The following AIG1 variants were observed in gnomAD, a reference collection of about 807,000 sequenced individuals.
The protein encoded by AIG1 is androgen induced 1.
In AIG1, 23 loss-of-function variants were observed where a neutral mutation model predicts 31.4. The ratio of observed to expected loss-of-function variants is 0.73; its 90% CI spans 0.53 to 1.04. The LOEUF is 1.04. Among genes scored for constraint, AIG1 ranks in the 50% least tolerant of loss-of-function variants. AIG1 has a pLI of 0.00. For missense variants in AIG1, 274 were observed against 295.0 expected (o/e 0.93, Z 0.52); for synonymous variants, 100 against 110.5 (o/e 0.90, Z 0.60).
intron 3 of AIG1, chr6:143,189,816 G>A (rs1017402): frequency 2.0e-6 from 2 of 978,336 alleles, no homozygotes; most frequent in African/African-American, 1.8e-5. Context: ...AAATAAAAAA[G>A]AGATATATCT....
intron 1 of AIG1, among the ~76,000 whole-genome samples, chr6:143,114,103 CAG>C (rs1188463439): frequency 6.6e-6 from 1 of 152,130 alleles, no homozygotes; most frequent in Non-Finnish European, 1.5e-5. Flanking sequence ...GTTAAACAAA[CAG>C]AATTTCAAAC....
At chr6:143,065,254 T>G (rs770217813) in intron 1 of AIG1, among the ~76,000 whole-genome samples, 5 of 152,100 alleles carry the variant, frequency 3.3e-5, no homozygotes, top group Admixed American at 2.0e-4. Flanking sequence ...TTACAATGGC[T>G]GAGCTTCGGC....
intron 3 of AIG1, among the ~76,000 whole-genome samples, chr6:143,180,498 T>C (rs1038571852): frequency 6.6e-6 from 1 of 152,132 alleles, no homozygotes; most frequent in Non-Finnish European, 1.5e-5. Context: ...TTTAAAGCAT[T>C]GTCAGTGAAG....
chr6:143,309,158 C>T (rs1363439329), intron 4 of AIG1, among the ~76,000 whole-genome samples: 1 of 151,776 alleles, frequency 6.6e-6, no homozygotes, highest in Non-Finnish European at 1.5e-5. Context: ...AAGACAAAAG[C>T]CGTCAACCTA....
At chr6:143,247,344 A>T (rs182704673) in intron 3 of AIG1, among the ~76,000 whole-genome samples, 1 of 152,170 alleles carries the variant, frequency 6.6e-6, no homozygotes, top group Non-Finnish European at 1.5e-5. Context: ...GTTAGCCAGG[A>T]TGGTCTTGAT....
chr6:143,191,459 T>A (rs1789785166), intron 3 of AIG1, among the ~76,000 whole-genome samples: 1 of 152,190 alleles, frequency 6.6e-6, no homozygotes, highest in Non-Finnish European at 1.5e-5. Flanking sequence ...TAACTCAATT[T>A]CCTACAGAAA....
At chr6:143,259,522 G>C (rs1228798908) in intron 3 of AIG1, among the ~76,000 whole-genome samples, 1 of 151,932 alleles carries the variant, frequency 6.6e-6, no homozygotes, top group East Asian at 1.9e-4. Context: ...GCCCTGTTTT[G>C]GTCTTAATAT....
intron 3 of AIG1, among the ~76,000 whole-genome samples, chr6:143,229,788 A>AC (rs1562508962): frequency 5.4e-5 from 8 of 147,184 alleles, no homozygotes; most frequent in African/African-American, 8.0e-5. Context: ...TCAGAACAAA[A>AC]AAAAAAAAAA....
intron 1 of AIG1, among the ~76,000 whole-genome samples, chr6:143,071,198 T>C (rs771790741): frequency 9.9e-5 from 15 of 152,226 alleles, no homozygotes; most frequent in Non-Finnish European, 1.9e-4. Context: ...ATGTGACTTC[T>C]GGGGATTGCT....
intron 3 of AIG1, among the ~76,000 whole-genome samples, chr6:143,246,335 C>G (rs1026267469): frequency 6.6e-6 from 1 of 151,966 alleles, no homozygotes; most frequent in Non-Finnish European, 1.5e-5. Flanking sequence ...TCACAATCAT[C>G]GTGGAAGGCA....
At chr6:143,217,695 GAC>G (rs1216487542) in intron 3 of AIG1, among the ~76,000 whole-genome samples, 1 of 152,074 alleles carries the variant, frequency 6.6e-6, no homozygotes, top group African/African-American at 2.4e-5. Context: ...TTTTAGTAGA[GAC>G]AGGGTCTCAC....
intron 3 of AIG1, among the ~76,000 whole-genome samples, chr6:143,234,929 G>A (rs1362532977): frequency 6.6e-6 from 1 of 152,138 alleles, no homozygotes; most frequent in African/African-American, 2.4e-5. Context: ...AGATTGTCTT[G>A]GAATGTGGCA....
chr6:143,186,626 C>G (rs145714564), intron 3 of AIG1: 170 of 152,336 alleles, frequency 1.1e-3, no homozygotes, highest in African/African-American at 3.7e-3. Flanking sequence ...TCACTACGCA[C>G]GTACTAATAT....
intron 3 of AIG1, among the ~76,000 whole-genome samples, chr6:143,185,800 A>T (rs892144511): frequency 6.6e-6 from 1 of 151,968 alleles, no homozygotes; most frequent in African/African-American, 2.4e-5. Flanking sequence ...GAGGGAATGA[A>T]CTTCTATCAC....
intron 3 of AIG1, among the ~76,000 whole-genome samples, chr6:143,282,174 A>C (rs528291474): frequency 6.6e-6 from 1 of 152,322 alleles, no homozygotes; most frequent in Admixed American, 6.5e-5. Flanking sequence ...AGGATTTTCT[A>C]CTTCATTTGG....
chr6:143,309,936 A>C (rs1305467617), intron 4 of AIG1, among the ~76,000 whole-genome samples: 1 of 151,992 alleles, frequency 6.6e-6, no homozygotes, highest in Non-Finnish European at 1.5e-5. Flanking sequence ...GGATTAATTC[A>C]CCAAGGGGAC....
At chr6:143,148,425 C>G (rs559960229) in intron 2 of AIG1, among the ~76,000 whole-genome samples, 1 of 151,852 alleles carries the variant, frequency 6.6e-6, no homozygotes, top group South Asian at 2.1e-4. Context: ...GGGAGGATCC[C>G]TTGAGCCCAG....
chr6:143,166,908 C>G (rs2128567505), intron 3 of AIG1, among the ~76,000 whole-genome samples: 1 of 152,282 alleles, frequency 6.6e-6, no homozygotes, highest in South Asian at 2.1e-4. Context: ...GCCTATCTGG[C>G]CTCAAATGTG....
rs141613800 is a variant in AIG1, at chr6:143,326,913, G to A, written c.516-6369G>A. Among the ~76,000 whole-genome samples, 52 of 152,234 alleles carry A rather than the reference G, an allele frequency of 3.4e-4. No homozygotes were observed. In the East Asian group the frequency reaches 6.9e-3, roughly 20 times the overall value. On this transcript the variant is annotated intron_variant, in intron 4 of 5. Transcript: ENST00000357847. This position sits in a 1 kb window ranked among gnomAD's most constrained non-coding sequence, Gnocchi z 4.5. The stretch of plus-strand genomic sequence containing the variant: ...GATATGGGATGGGGCCAAAGAGACC[G>A]ATAGAAGCCACTCTATGAAGAGCAC...
Sources: allele counts gnomAD v4.1 joint callset (sites outside exome capture counted in the v4.1 genomes callset), GRCh38; gene constraint gnomAD v4.1.1; non-coding constraint Gnocchi (gnomAD v3.1); transcripts MANE v1.5; gene names NCBI Gene and HGNC (gene_info 2026-07-23, HGNC 2026-07-21).